The following RTN1 variants were observed in gnomAD, a reference collection of about 807,000 sequenced individuals.
The protein encoded by RTN1 is reticulon-1.
Under a neutral mutation model 65.5 loss-of-function variants are expected in RTN1, and 25 were observed. The observed-to-expected ratio is 0.38, with a 90% CI of 0.28 to 0.53. The LOEUF is 0.53. Among genes scored for constraint, RTN1 ranks in the 20% least tolerant of loss-of-function variants. The probability of loss-of-function intolerance (pLI) is 0.79; values close to 1 mark genes in which losing one functional copy is unlikely to be tolerated. For missense variants in RTN1, 983 were observed against 1,025.4 expected, an observed-to-expected ratio of 0.96 and a Z score of 0.57; for synonymous variants, 471 against 447.6, an observed-to-expected ratio of 1.05 and a Z score of -0.66.
At chr14:59,832,281 T>C in intron 1 of RTN1, among the ~76,000 whole-genome samples, 1 of 152,146 alleles carries the variant, frequency 6.6e-6, no homozygotes, top group East Asian at 1.9e-4. Flanking sequence ...TGAGCTCCAA[T>C]ATTTTAAGAA....
chr14:59,647,768 CTGGGACACAGCT>C (rs1882931930), intron 3 of RTN1, among the ~76,000 whole-genome samples: 1 of 152,196 alleles, frequency 6.6e-6, no homozygotes, highest in Non-Finnish European at 1.5e-5. Context: ...ACCAGAATCT[CTGGGACACAGCT>C]AAGGCAGTGT....
At chr14:59,670,404 A>T (rs1883477472) in intron 3 of RTN1, among the ~76,000 whole-genome samples, 1 of 152,248 alleles carries the variant, frequency 6.6e-6, no homozygotes, top group Middle Eastern at 3.2e-3. Context: ...ATTTCTTCTC[A>T]GCAAGACGCA....
chr14:59,739,555 AAT>A (rs200221482), intron 2 of RTN1, among the ~76,000 whole-genome samples: 2,302 of 151,156 alleles, frequency 0.015, 69 homozygotes, highest in African/African-American at 0.053. Context: ...AAAAAAAAAA[AAT>A]GGGAGGGAGG....
intron 1 of RTN1, among the ~76,000 whole-genome samples, chr14:59,814,653 T>A (rs1886787669): frequency 6.6e-6 from 1 of 152,234 alleles, no homozygotes; most frequent in East Asian, 1.9e-4. Flanking sequence ...AACTTCAACA[T>A]ACTCTTTGAG....
At chr14:59,800,463 C>G (rs929267939) in intron 1 of RTN1, among the ~76,000 whole-genome samples, 1 of 152,276 alleles carries the variant, frequency 6.6e-6, no homozygotes. Flanking sequence ...GGCAGTGGCA[C>G]GATCTCGGCT....
rs1886022362 is a variant in RTN1, at chr14:59,774,901, C to T, written c.242-28420G>A. 6.6e-6 allele frequency among the ~76,000 whole-genome samples: 1 copy of T among 152,186 alleles called. No homozygotes were observed. Among genetic ancestry groups the T allele is most frequent in the Non-Finnish European group, 1.5e-5 (1 of 68,028 alleles). On this transcript the variant is annotated intron_variant, in intron 1 of 8. Transcript: ENST00000267484. This position sits in a 1 kb window ranked among gnomAD's most constrained non-coding sequence, Gnocchi z 5.1. ...AGAGGCAAAAACATCCAAGTAACCA[C>T]TTCTATAATGCTTGACTGAATTAAC...
chr14:59,789,787 G>T (rs1402205553), intron 1 of RTN1, among the ~76,000 whole-genome samples: 1 of 151,628 alleles, frequency 6.6e-6, no homozygotes, highest in African/African-American at 2.4e-5. Flanking sequence ...ACAAAACTAG[G>T]AACAATCTAA....
At chr14:59,731,310 A>C (rs1359761756) in intron 2 of RTN1, among the ~76,000 whole-genome samples, 5 of 152,172 alleles carry the variant, frequency 3.3e-5, no homozygotes, top group African/African-American at 1.2e-4. Context: ...ATTTATAGAG[A>C]AAGAAAGAAG....
intron 3 of RTN1, among the ~76,000 whole-genome samples, chr14:59,677,504 T>G (rs142569857): frequency 1.1e-4 from 17 of 152,318 alleles, no homozygotes; most frequent in African/African-American, 3.4e-4. Context: ...ATTTGAAATG[T>G]ATCTCAAGGA....
intron 3 of RTN1, among the ~76,000 whole-genome samples, chr14:59,725,289 T>A (rs1275116338): frequency 6.6e-6 from 1 of 152,182 alleles, no homozygotes; most frequent in African/African-American, 2.4e-5. Flanking sequence ...ATAAACATAT[T>A]TGAACAGCAC....
intron 1 of RTN1, among the ~76,000 whole-genome samples, chr14:59,781,191 G>C (rs1886148163): frequency 6.6e-6 from 1 of 151,930 alleles, no homozygotes; most frequent in African/African-American, 2.4e-5. Flanking sequence ...CCTGATGCCA[G>C]AGCCCATGCT....
intron 1 of RTN1, among the ~76,000 whole-genome samples, chr14:59,777,218 A>G (rs892826132): frequency 6.6e-6 from 1 of 152,166 alleles, no homozygotes; most frequent in African/African-American, 2.4e-5. Context: ...CACCATGATC[A>G]TAGGCATGAT....
intron 3 of RTN1, among the ~76,000 whole-genome samples, chr14:59,611,954 C>A (rs1163918966): frequency 6.6e-6 from 1 of 152,156 alleles, no homozygotes; most frequent in Non-Finnish European, 1.5e-5. Context: ...CCAAAGAAGG[C>A]TCAACAGGCC....
At chr14:59,654,726 A>G (rs147066039) in intron 3 of RTN1, among the ~76,000 whole-genome samples, 109 of 152,300 alleles carry the variant, frequency 7.2e-4, no homozygotes, top group African/African-American at 2.6e-3. Context: ...AATGCAGAAA[A>G]AAAATTGAGA....
chr14:59,694,843 A>G (rs1286267287), intron 3 of RTN1, among the ~76,000 whole-genome samples: 1 of 152,194 alleles, frequency 6.6e-6, no homozygotes, highest in Non-Finnish European at 1.5e-5. Context: ...GAGAAGCCAC[A>G]GAAAGAAAAA....
chr14:59,645,761 G>C (rs1482832183), intron 3 of RTN1, among the ~76,000 whole-genome samples: 2 of 152,186 alleles, frequency 1.3e-5, no homozygotes, highest in East Asian at 3.9e-4. Flanking sequence ...TCTTCACTGG[G>C]CAGAGTTACC....
chr14:59,599,998 C>T (rs1298410563), intron 8 of RTN1, among the ~76,000 whole-genome samples: 1 of 152,182 alleles, frequency 6.6e-6, no homozygotes, highest in Non-Finnish European at 1.5e-5. Flanking sequence ...TATGGTCTCA[C>T]TTACTCGAAG....
chr14:59,664,829 T>C (rs1290072559), intron 3 of RTN1, among the ~76,000 whole-genome samples: 1 of 152,172 alleles, frequency 6.6e-6, no homozygotes, highest in East Asian at 1.9e-4. Context: ...TGTGCAAGCG[T>C]AAGTTTTTAT....
At chr14:59,776,066 T>G (rs764827167) in intron 1 of RTN1, among the ~76,000 whole-genome samples, 4 of 152,188 alleles carry the variant, frequency 2.6e-5, no homozygotes, top group Non-Finnish European at 5.9e-5. Flanking sequence ...TATCACTTTT[T>G]ACTCTGTAGT....
Sources: gnomAD v4.1 joint callset for allele counts (sites outside exome capture counted in the v4.1 genomes callset) on GRCh38, gnomAD v4.1.1 for gene constraint, Gnocchi (gnomAD v3.1) non-coding constraint, MANE v1.5 for transcripts, NCBI Gene and HGNC (gene_info 2026-07-23, HGNC 2026-07-21) for gene names.